NAP1L1: variants seen among roughly 807,000 people sequenced by gnomAD.
The protein encoded by NAP1L1 is nucleosome assembly protein 1-like 1.
Under a neutral mutation model 58.9 loss-of-function variants are expected in NAP1L1, and 9 were observed. The ratio of observed to expected loss-of-function variants is 0.15; its 90% CI spans 0.09 to 0.27. The LOEUF is 0.27. NAP1L1 is among the 10% of genes least tolerant of loss of function. The pLI is 1.00. For missense variants in NAP1L1, 302 were observed against 458.8 expected, an observed-to-expected ratio of 0.66 and a Z score of 3.12; for synonymous variants, 130 against 138.3, an observed-to-expected ratio of 0.94 and a Z score of 0.42.
At chr12:76,051,390 A>G (rs894331525) in intron 11 of NAP1L1, among the ~76,000 whole-genome samples, 1 of 152,200 alleles carries the variant, frequency 6.6e-6, no homozygotes. Flanking sequence ...TGTTAAGTAC[A>G]TAGCAAATAG....
intron 6 of NAP1L1, 183 bp from the exon 7 acceptor site, chr12:76,056,344 C>A (rs1029523720): frequency 3.8e-5 from 21 of 558,326 alleles, no homozygotes; most frequent in Non-Finnish European, 5.0e-5. Context: ...GCTACCACAC[C>A]CCTCCAAAGA....
rs1274400738 is a variant in NAP1L1, at chr12:76,038,040, A to G, written c.*10389T>C. ...ATGGTAATATTAGCTTTGAAGTGAC[A>G]AACGAAAATATGGAACTGGATGAAA... On this transcript the variant is annotated 3_prime_UTR_variant, in exon 15 of 15. Transcript: ENST00000618691. The G allele has an allele frequency of 1.3e-5, 2 of 152,242 alleles. No homozygotes were observed. Among genetic ancestry groups the G allele is most frequent in the African/African-American group, 4.8e-5 (2 of 41,452 alleles). 9.4% of individuals were successfully genotyped at this position (152,242 alleles called of 1,614,324 possible). A position where few individuals can be genotyped will look rare whatever the true frequency, so the allele number is the denominator to read the frequency against.
chr12:76,073,146 T>A (rs12823670), intron 2 of NAP1L1, among the ~76,000 whole-genome samples: 26,828 of 151,888 alleles, frequency 0.18, 2,499 homozygotes, highest in South Asian at 0.31. Flanking sequence ...AATGCATAAG[T>A]CACTCATCTG....
rs1948527677 is a variant in NAP1L1, at chr12:76,039,181, A to G, written c.*9248T>C. 6.6e-6 allele frequency: 1 copy of G among 152,180 alleles called. No individual in the cohort carries two copies. The highest frequency in any genetic ancestry group is 2.4e-5 in the African/African-American group (1 of 41,452). 9.4% of individuals were successfully genotyped at this position (152,180 alleles called of 1,614,324 possible). ...GGCTGTCATCCTAACCTCCCTTGGC[A>G]TTCACACCCAGCTCTATTTTATTTA... On this transcript the variant is annotated 3_prime_UTR_variant, in exon 15 of 15. Transcript: ENST00000618691.
chr12:76,079,271 G>A (rs1255634514), intron 1 of NAP1L1, among the ~76,000 whole-genome samples: 1 of 152,116 alleles, frequency 6.6e-6, no homozygotes, highest in Non-Finnish European at 1.5e-5. Context: ...CACGTCTATA[G>A]TCTCAGCACT....
chr12:76,056,063 C>T lies in NAP1L1; in HGVS notation c.528G>A (p.Lys176=). 6.2e-7 allele frequency: 1 copy of T among 1,612,192 alleles called. No homozygotes were observed. The highest frequency in any genetic ancestry group is 2.2e-5 in the East Asian group (1 of 44,792). The stretch of plus-strand genomic sequence containing the variant: ...CCATATCACTGAGCAAGTCAACATT[C>T]TTAAAAACAGTTAACCAAAATTCAG... ...GIPEFWLTVF[K]NVDLLSDMVQ... The change falls in exon 7 of 15, where the codon AAG becomes AAA. Residue 176 remains lysine (K), a synonymous_variant. Coordinates refer to ENST00000618691, the MANE Select transcript of NAP1L1 (RefSeq NM_004537.7).
chr12:76,053,179 A>G (rs748338535), intron 10 of NAP1L1, 26 bp downstream of exon 10: 2 of 1,612,780 alleles, frequency 1.2e-6, no homozygotes, highest in South Asian at 2.2e-5. Context: ...AACAACCGTT[A>G]ATACTCAAGC....
Position 76,046,449 on chromosome 12 carries a change from T to C in NAP1L1, c.*1980A>G, listed in dbSNP as rs1948609315. ...GTTCATTAAAAATGGGATTCTATCT[T>C]TGAAGTTCAGAAAAAGCTGCATTTC... On this transcript the variant is annotated 3_prime_UTR_variant, in exon 15 of 15. Transcript: ENST00000618691. 6.6e-6 allele frequency: 1 copy of C among 152,320 alleles called. No individual in the cohort carries two copies. The highest frequency in any genetic ancestry group is 1.5e-5 in the Non-Finnish European group (1 of 67,878). The allele number at this position is 152,320 out of a possible 1,614,324, so 9.4% of individuals were successfully genotyped here. A position where few individuals can be genotyped will look rare whatever the true frequency, so the allele number is the denominator to read the frequency against.
At position 76,043,728 on chromosome 12, in the gene NAP1L1, C is replaced by T. The variant is rs1250256319; in HGVS notation, c.*4701G>A. 3 of 152,170 alleles carry T rather than the reference C, an allele frequency of 2.0e-5. No homozygotes were observed. The highest frequency in any genetic ancestry group is 4.4e-5 in the Non-Finnish European group (3 of 68,040). 9.4% of individuals were successfully genotyped at this position (152,170 alleles called of 1,614,324 possible). A position where few individuals can be genotyped will look rare whatever the true frequency, so the allele number is the denominator to read the frequency against. On this transcript the variant is annotated 3_prime_UTR_variant, in exon 15 of 15. Coordinates refer to ENST00000618691, the MANE Select transcript of NAP1L1 (RefSeq NM_004537.7). Reference sequence around the variant, plus strand: ...CCTGTTCCTCCACCTGAACTGCTCACCGTTCAGAGGTTCTTCCTCTCACTT... The same window carrying T: ...CCTGTTCCTCCACCTGAACTGCTCATCGTTCAGAGGTTCTTCCTCTCACTT...
intron 4 of NAP1L1, among the ~76,000 whole-genome samples, chr12:76,064,392 T>C (rs950160662): frequency 6.6e-6 from 1 of 152,026 alleles, no homozygotes; most frequent in Non-Finnish European, 1.5e-5. Context: ...TACAATAAGC[T>C]TGAGCTATTA....
At chr12:76,051,031 T>A (rs1181139403) in intron 11 of NAP1L1, among the ~76,000 whole-genome samples, 1 of 151,598 alleles carries the variant, frequency 6.6e-6, no homozygotes, top group African/African-American at 2.4e-5. Flanking sequence ...GACAGACTCT[T>A]CAGTTTAAAT....
Position 76,041,437 on chromosome 12 carries a change from C to G in NAP1L1, c.*6992G>C, listed in dbSNP as rs1948549809. On this transcript the variant is annotated 3_prime_UTR_variant, in exon 15 of 15. Coordinates refer to ENST00000618691, the MANE Select transcript of NAP1L1 (RefSeq NM_004537.7). ...AAACACATGCACAAAAGCCCAGTGG[C>G]AGAAGTAAAAGAAAAGGCAGCCAAG... 6.6e-6 allele frequency: 1 copy of G among 152,138 alleles called. No homozygotes were observed. Among genetic ancestry groups the G allele is most frequent in the East Asian group, 1.9e-4 (1 of 5,194 alleles). The allele number at this position is 152,138 out of a possible 1,614,324, so 9.4% of individuals were successfully genotyped here.
rs1352144720 is a variant in NAP1L1, at chr12:76,042,572, G to C, written c.*5857C>G. ...GCAACCTCATCTACTTTCCTAGTTG[G>C]ATCAACTGATTCCACTTATTTGAAA... On this transcript the variant is annotated 3_prime_UTR_variant, in exon 15 of 15. Transcript: ENST00000618691. 1 of 152,130 alleles carries C rather than the reference G, an allele frequency of 6.6e-6. No homozygotes were observed. The highest frequency in any genetic ancestry group is 1.5e-5 in the Non-Finnish European group (1 of 68,030). The allele number at this position is 152,130 out of a possible 1,614,324, so 9.4% of individuals were successfully genotyped here. A position where few individuals can be genotyped will look rare whatever the true frequency, so the allele number is the denominator to read the frequency against.
chr12:76,052,513 A>G (rs1034683713), intron 11 of NAP1L1, among the ~76,000 whole-genome samples: 3 of 152,208 alleles, frequency 2.0e-5, no homozygotes, highest in Non-Finnish European at 2.9e-5. Flanking sequence ...CTAATTCCAT[A>G]TATGTACAAA....
chr12:76,068,954 C>G lies in NAP1L1; in HGVS notation c.58G>C (p.Glu20Gln). 1 of 1,613,354 alleles carries G rather than the reference C, an allele frequency of 6.2e-7. No individual in the cohort carries two copies. Among genetic ancestry groups the G allele is most frequent in the Non-Finnish European group, 8.5e-7 (1 of 1,179,670 alleles). Reference sequence around the variant, plus strand: ...CCAGTTTCCTCTTCTTCTACTTCTTCAACATCATCCAAATCTTGATCAAGT... The same window carrying G: ...CCAGTTTCCTCTTCTTCTACTTCTTGAACATCATCCAAATCTTGATCAAGT... ...SELDQDLDDVEEVEEEETGEE... is the reference protein window; with the variant it reads ...SELDQDLDDVQEVEEEETGEE... The change falls in exon 3 of 15, where the codon GAA becomes CAA. Residue 20 changes from glutamate to glutamine, a missense_variant. Transcript: ENST00000618691.
At chr12:76,049,931 ATAG>A in intron 12 of NAP1L1, 146 bp from the exon 13 acceptor site, 1 of 782,488 alleles carries the variant, frequency 1.3e-6, no homozygotes, top group Non-Finnish European at 2.1e-6. Flanking sequence ...ATTAAAACAC[ATAG>A]TAGCTGCAAG....
chr12:76,058,471 C>T (rs1459757685), intron 6 of NAP1L1, among the ~76,000 whole-genome samples: 2 of 151,016 alleles, frequency 1.3e-5, no homozygotes, highest in Non-Finnish European at 1.5e-5. Context: ...ACTGCAACCT[C>T]GACTTCCCGA....
At chr12:76,075,925 A>T (rs1950154408) in intron 1 of NAP1L1, among the ~76,000 whole-genome samples, 1 of 152,170 alleles carries the variant, frequency 6.6e-6, no homozygotes, top group Non-Finnish European at 1.5e-5. Flanking sequence ...GCACTTTGGG[A>T]GGCCGAAGCA....
intron 1 of NAP1L1, among the ~76,000 whole-genome samples, 151 bp downstream of exon 1, chr12:76,084,416 T>G (rs2137136896): frequency 6.6e-6 from 1 of 152,144 alleles, no homozygotes; most frequent in East Asian, 2.0e-4. Context: ...CGCGGTCCTG[T>G]CCGACCTCAC....
Sources: allele counts gnomAD v4.1 joint callset (sites outside exome capture counted in the v4.1 genomes callset), GRCh38; gene constraint gnomAD v4.1.1; transcripts MANE v1.5; gene names NCBI Gene and HGNC (gene_info 2026-07-23, HGNC 2026-07-21).